Variants in LRATD2 observed in about 807,000 individuals in gnomAD.
LRATD2 encodes the protein protein LRATD2.
A neutral mutation model predicts 12.0 loss-of-function variants in LRATD2; 10 were observed. That is an observed-to-expected ratio of 0.83 (90% confidence interval 0.51 to 1.41). LRATD2 has a LOEUF of 1.41. Among genes scored for constraint, LRATD2 ranks in the 40% most tolerant of loss-of-function variants. The pLI is 0.00. For synonymous variants in LRATD2, 220 were observed against 205.8 expected, an observed-to-expected ratio of 1.07 and a Z score of -0.59; for missense variants, 455 against 446.1, an observed-to-expected ratio of 1.02 and a Z score of -0.18.
rs976320864 is a variant in LRATD2, at chr8:126,552,530, G to A, written c.*3927C>T. 1 of 152,626 alleles carries A rather than the reference G, an allele frequency of 6.6e-6. No individual in the cohort carries two copies. Among genetic ancestry groups the A allele is most frequent in the South Asian group, 2.1e-4 (1 of 4,828 alleles). 9.5% of individuals were successfully genotyped at this position (152,626 alleles called of 1,614,324 possible). ...TTTTATTTTAATAAGACATAGTGAA[G>A]AGGAAATGGCTTAAAAGATATCATC... On this transcript the variant is annotated 3_prime_UTR_variant, in exon 2 of 2. Coordinates refer to ENST00000304916, the MANE Select transcript of LRATD2 (RefSeq NM_174911.5).
chr8:126,557,608 T>C lies in LRATD2; in HGVS notation c.-96-123A>G. On this transcript the variant is annotated intron_variant, in intron 1 of 1. Transcript: ENST00000304916. This position sits in a 1 kb window ranked among gnomAD's most constrained non-coding sequence, Gnocchi z 5.3. ...CCATTTTAGGGGGAAGTCTCGGGTG[T>C]AGCGAGCTTTCCCTCGTTTCTCCAC... 1 of 577,856 alleles carries C rather than the reference T, an allele frequency of 1.7e-6. No homozygotes were observed. Among genetic ancestry groups the C allele is most frequent in the Non-Finnish European group, 3.0e-6 (1 of 330,882 alleles). The allele number at this position is 577,856 out of a possible 1,614,324, so 35.8% of individuals were successfully genotyped here. A position where few individuals can be genotyped will look rare whatever the true frequency, so the allele number is the denominator to read the frequency against.
At position 126,554,920 on chromosome 8, in the gene LRATD2, G is replaced by A. The variant is rs1005704049; in HGVS notation, c.*1537C>T. On this transcript the variant is annotated 3_prime_UTR_variant, in exon 2 of 2. Coordinates refer to ENST00000304916, the MANE Select transcript of LRATD2 (RefSeq NM_174911.5). The stretch of plus-strand genomic sequence containing the variant: ...CAATAGGCAGCAGAGAAGCTATGCT[G>A]CAACTGAGGGCACATATCATTGAAG... 1 of 151,998 alleles carries A rather than the reference G, an allele frequency of 6.6e-6. No individual in the cohort carries two copies. Among genetic ancestry groups the A allele is most frequent in the Non-Finnish European group, 1.5e-5 (1 of 68,020 alleles). The allele number at this position is 151,998 out of a possible 1,614,324, so 9.4% of individuals were successfully genotyped here. A position where few individuals can be genotyped will look rare whatever the true frequency, so the allele number is the denominator to read the frequency against.
rs576388393 is a variant in LRATD2 at position 126,557,210 on chromosome 8, G to C, written c.180C>G (p.Pro60=). The change falls in exon 2 of 2, where the codon CCC becomes CCG. Residue 60 remains proline (P), a synonymous_variant. Transcript: ENST00000304916. This position sits in a 1 kb window ranked among gnomAD's most constrained non-coding sequence, Gnocchi z 5.3. ...PPQGPDGGGL[P]DGGDGPPPPQ... ...GCGGCGGCGGCCCGTCCCCACCGTCGGGCAAGCCGCCGCCATCTGGCCCCT... is the reference window on the plus strand; with the variant it reads ...GCGGCGGCGGCCCGTCCCCACCGTCCGGCAAGCCGCCGCCATCTGGCCCCT... 5 of 1,599,256 alleles carry C rather than the reference G, an allele frequency of 3.1e-6. No individual in the cohort carries two copies. Among genetic ancestry groups the C allele is most frequent in the Non-Finnish European group, 2.6e-6 (3 of 1,173,766 alleles).
rs1027458536 is a variant in LRATD2, at chr8:126,552,611, A to G, written c.*3846T>C. 7 of 152,806 alleles carry G rather than the reference A, an allele frequency of 4.6e-5. No individual in the cohort carries two copies. In the East Asian group the frequency reaches 1.3e-3, roughly 29 times the overall value. The allele number at this position is 152,806 out of a possible 1,614,324, so 9.5% of individuals were successfully genotyped here. A position where few individuals can be genotyped will look rare whatever the true frequency, so the allele number is the denominator to read the frequency against. ...ATTTTGAAGGAAATGATACAATTTC[A>G]AATCGGAACTTCCTTCTCAAGAAGT... On this transcript the variant is annotated 3_prime_UTR_variant, in exon 2 of 2. Coordinates refer to ENST00000304916, the MANE Select transcript of LRATD2 (RefSeq NM_174911.5).
rs1817300320 is a variant in LRATD2 at position 126,552,477 on chromosome 8, T to C, written c.*3980A>G. 6.6e-6 allele frequency: 1 copy of C among 152,656 alleles called. No individual in the cohort carries two copies. Among genetic ancestry groups the C allele is most frequent in the African/African-American group, 2.4e-5 (1 of 41,462 alleles). 9.5% of individuals were successfully genotyped at this position (152,656 alleles called of 1,614,324 possible). On this transcript the variant is annotated 3_prime_UTR_variant, in exon 2 of 2. Transcript: ENST00000304916. Reference sequence around the variant, plus strand: ...ATAGATGGTTTATTGGAAACGCTCATAGCATCTTTTGAAAAGAACTTGACA... The same window carrying C: ...ATAGATGGTTTATTGGAAACGCTCACAGCATCTTTTGAAAAGAACTTGACA...
chr8:126,557,674 C>G lies in LRATD2; in HGVS notation c.-96-189G>C. 2.1e-6 allele frequency: 1 copy of G among 475,472 alleles called. No homozygotes were observed. Among genetic ancestry groups the G allele is most frequent in the Non-Finnish European group, 3.7e-6 (1 of 269,524 alleles). 29.5% of individuals were successfully genotyped at this position (475,472 alleles called of 1,614,324 possible). ...CACAGGAGACTGGGCAACTCCTGTTCTCCCTGTCCCCAGCCCTTCGCCTGG... is the reference window on the plus strand; with the variant it reads ...CACAGGAGACTGGGCAACTCCTGTTGTCCCTGTCCCCAGCCCTTCGCCTGG... On this transcript the variant is annotated intron_variant, in intron 1 of 1. Coordinates refer to ENST00000304916, the MANE Select transcript of LRATD2 (RefSeq NM_174911.5). The surrounding 1 kb of genome is among the most constrained non-coding windows in gnomAD (Gnocchi z 5.3).
Position 126,554,365 on chromosome 8 carries a change from A to G in LRATD2, c.*2092T>C, listed in dbSNP as rs988537920. 6 of 152,278 alleles carry G rather than the reference A, an allele frequency of 3.9e-5. No individual in the cohort carries two copies. The highest frequency in any genetic ancestry group is 7.3e-5 in the Non-Finnish European group (5 of 68,062). The allele number at this position is 152,278 out of a possible 1,614,324, so 9.4% of individuals were successfully genotyped here. ...AAGAAAATCCAACTGGGTTAGATAC[A>G]GCAGGTTCTCCTAAATGTCTTAACC... On this transcript the variant is annotated 3_prime_UTR_variant, in exon 2 of 2. Coordinates refer to ENST00000304916, the MANE Select transcript of LRATD2 (RefSeq NM_174911.5).
In LRATD2 at chr8:126,556,201, G is replaced by T. The variant is rs1214767830; in HGVS notation, c.*256C>A. ...CAAGTCCACAGTTTGCTCCACCGCG[G>T]AGAGGAAGACAGACAGGGGGCCAGA... On this transcript the variant is annotated 3_prime_UTR_variant, in exon 2 of 2. Transcript: ENST00000304916. This position sits in a 1 kb window ranked among gnomAD's most constrained non-coding sequence, Gnocchi z 5.6. 19 of 495,404 alleles carry T rather than the reference G, an allele frequency of 3.8e-5. No homozygotes were observed. The highest frequency in any genetic ancestry group is 6.3e-5 in the Non-Finnish European group (18 of 286,160). The allele number at this position is 495,404 out of a possible 1,614,324, so 30.7% of individuals were successfully genotyped here.
rs966433897 is a variant in LRATD2, at chr8:126,557,642, T to C, written c.-96-157A>G. On this transcript the variant is annotated intron_variant, in intron 1 of 1. Transcript: ENST00000304916. This position sits in a 1 kb window ranked among gnomAD's most constrained non-coding sequence, Gnocchi z 5.3. ...TTCCCTCGTTTCTCCACCTGTAAGGTCACGGTCACAGGAGACTGGGCAACT... is the reference window on the plus strand; with the variant it reads ...TTCCCTCGTTTCTCCACCTGTAAGGCCACGGTCACAGGAGACTGGGCAACT... 3 of 543,944 alleles carry C rather than the reference T, an allele frequency of 5.5e-6. No homozygotes were observed. The African/African-American group carries it at 5.8e-5, about 11-fold the overall frequency. The allele number at this position is 543,944 out of a possible 1,614,324, so 33.7% of individuals were successfully genotyped here.
At position 126,557,518 on chromosome 8, in the gene LRATD2, G is replaced by A; in HGVS notation, c.-96-33C>T. The stretch of plus-strand genomic sequence containing the variant: ...GAGAGGAAGGCAAGAAAGCCATGCA[G>A]GAGCCCCTCCGTGAAAAGGGCGTTT... On this transcript the variant is annotated intron_variant, in intron 1 of 1. Transcript: ENST00000304916. This position sits in a 1 kb window ranked among gnomAD's most constrained non-coding sequence, Gnocchi z 5.3. 1 of 1,033,020 alleles carries A rather than the reference G, an allele frequency of 9.7e-7. No individual in the cohort carries two copies. Among genetic ancestry groups the A allele is most frequent in the Non-Finnish European group, 1.4e-6 (1 of 711,614 alleles). The allele number at this position is 1,033,020 out of a possible 1,614,324, so 64.0% of individuals were successfully genotyped here. A position where few individuals can be genotyped will look rare whatever the true frequency, so the allele number is the denominator to read the frequency against.
rs1314564957 is a variant in LRATD2 at position 126,555,959 on chromosome 8, C to G, written c.*498G>C. ...AATAAATCACCCCAGCCTCCTGGAT[C>G]CCATACACAGCTCAGCTCCGCCAAA... On this transcript the variant is annotated 3_prime_UTR_variant, in exon 2 of 2. Transcript: ENST00000304916. 6.3e-6 allele frequency: 1 copy of G among 158,572 alleles called. No individual in the cohort carries two copies. The highest frequency in any genetic ancestry group is 1.4e-5 in the Non-Finnish European group (1 of 72,400). 9.8% of individuals were successfully genotyped at this position (158,572 alleles called of 1,614,324 possible).
In LRATD2 at chr8:126,556,637, G is replaced by A; in HGVS notation, c.753C>T (p.Ile251=). 1.2e-6 allele frequency: 2 copies of A among 1,611,926 alleles called. No homozygotes were observed. Among genetic ancestry groups the A allele is most frequent in the Non-Finnish European group, 1.7e-6 (2 of 1,179,322 alleles). Residue 251 remains isoleucine, a synonymous_variant, in exon 2 of 2, where the codon ATC becomes ATT. Coordinates refer to ENST00000304916, the MANE Select transcript of LRATD2 (RefSeq NM_174911.5). This position sits in a 1 kb window ranked among gnomAD's most constrained non-coding sequence, Gnocchi z 5.6. Reference sequence around the variant, plus strand: ...TCTGGTCGTTGCGTCGCTTCTCCATGATCAGGTCCTCTAGACTCTGGAACT... The same window carrying A: ...TCTGGTCGTTGCGTCGCTTCTCCATAATCAGGTCCTCTAGACTCTGGAACT... ...TLEFQSLEDL[I]MEKRRNDQIG... is the part of the protein sequence containing the mutation.
rs1245002127 is a variant in LRATD2, at chr8:126,556,505, G to C, written c.885C>G (p.Pro295=). Residue 295 remains proline (P), a synonymous_variant, in exon 2 of 2, where the codon CCC becomes CCG. Transcript: ENST00000304916. The surrounding 1 kb of genome is among the most constrained non-coding windows in gnomAD (Gnocchi z 5.6). ...VARTTPPPGR[P]PAPSSEEEDG... is the part of the protein sequence containing the mutation. ...CCTCCTCCTCGGAGCTGGGCGCAGG[G>C]GGGCGCCCGGGAGGCGGCGTAGTCC... The C allele has an allele frequency of 2.5e-6, 4 of 1,592,732 alleles. No homozygotes were observed. Among genetic ancestry groups the C allele is most frequent in the Non-Finnish European group, 3.4e-6 (4 of 1,171,260 alleles).
At position 126,555,250 on chromosome 8, in the gene LRATD2, A is replaced by G. The variant is rs968333327; in HGVS notation, c.*1207T>C. 1 of 152,178 alleles carries G rather than the reference A, an allele frequency of 6.6e-6. No homozygotes were observed. The highest frequency in any genetic ancestry group is 1.5e-5 in the Non-Finnish European group (1 of 68,030). 9.4% of individuals were successfully genotyped at this position (152,178 alleles called of 1,614,324 possible). A position where few individuals can be genotyped will look rare whatever the true frequency, so the allele number is the denominator to read the frequency against. On this transcript the variant is annotated 3_prime_UTR_variant, in exon 2 of 2. Coordinates refer to ENST00000304916, the MANE Select transcript of LRATD2 (RefSeq NM_174911.5). ...CAATTGCATCAAGTGTGGATAGCAA[A>G]ATAAGTATCTTACCATTGAAATATG... is the stretch of plus-strand genomic sequence containing the variant.
In LRATD2 at chr8:126,553,912, A is replaced by T. The variant is rs1392924417; in HGVS notation, c.*2545T>A. ...GCTATACTTCAGCGTGACTGACCATACATCATTTTCCATTCTGGGACAGAG... is the reference window on the plus strand; with the variant it reads ...GCTATACTTCAGCGTGACTGACCATTCATCATTTTCCATTCTGGGACAGAG... On this transcript the variant is annotated 3_prime_UTR_variant, in exon 2 of 2. Transcript: ENST00000304916. 6.6e-6 allele frequency: 1 copy of T among 152,194 alleles called. No individual in the cohort carries two copies. The highest frequency in any genetic ancestry group is 2.4e-5 in the African/African-American group (1 of 41,422). 9.4% of individuals were successfully genotyped at this position (152,194 alleles called of 1,614,324 possible).
At position 126,556,529 on chromosome 8, in the gene LRATD2, C is replaced by T. The variant is rs1162486142; in HGVS notation, c.861G>A (p.Arg287=). 2 of 1,600,244 alleles carry T rather than the reference C, an allele frequency of 1.2e-6. No homozygotes were observed. Among genetic ancestry groups the T allele is most frequent in the Non-Finnish European group, 8.5e-7 (1 of 1,174,632 alleles). ...GGGGGCGCCCGGGAGGCGGCGTAGT[C>T]CGCGCCACGTTGCTGTCGCCCTCCT... is the stretch of plus-strand genomic sequence containing the variant. ...EPEEGDSNVA[R]TTPPPGRPPA... is the part of the protein sequence containing the mutation. The change falls in exon 2 of 2, where the codon CGG becomes CGA. Residue 287 remains arginine (R), a synonymous_variant. Coordinates refer to ENST00000304916, the MANE Select transcript of LRATD2 (RefSeq NM_174911.5). The surrounding 1 kb of genome is among the most constrained non-coding windows in gnomAD (Gnocchi z 5.6).
chr8:126,557,527 C>T lies in LRATD2; in HGVS notation c.-96-42G>A. 1.1e-6 allele frequency: 1 copy of T among 938,294 alleles called. No homozygotes were observed. The highest frequency in any genetic ancestry group is 1.6e-6 in the Non-Finnish European group (1 of 629,974). The allele number at this position is 938,294 out of a possible 1,614,324, so 58.1% of individuals were successfully genotyped here. On this transcript the variant is annotated intron_variant, in intron 1 of 1. Coordinates refer to ENST00000304916, the MANE Select transcript of LRATD2 (RefSeq NM_174911.5). This position sits in a 1 kb window ranked among gnomAD's most constrained non-coding sequence, Gnocchi z 5.3. ...GCAAGAAAGCCATGCAGGAGCCCCT[C>T]CGTGAAAAGGGCGTTTTGTTCCGAA...
rs576047324 is a variant in LRATD2, at chr8:126,555,266, T to C, written c.*1191A>G. On this transcript the variant is annotated 3_prime_UTR_variant, in exon 2 of 2. Coordinates refer to ENST00000304916, the MANE Select transcript of LRATD2 (RefSeq NM_174911.5). ...GGATAGCAAAATAAGTATCTTACCA[T>C]TGAAATATGTGTTCAGCCTAAGATT... 3.9e-4 allele frequency: 60 copies of C among 152,216 alleles called. No individual in the cohort carries two copies. The highest frequency in any genetic ancestry group is 1.3e-3 in the African/African-American group (56 of 41,522). The allele number at this position is 152,216 out of a possible 1,614,324, so 9.4% of individuals were successfully genotyped here.
Position 126,556,709 on chromosome 8 carries a change from G to A in LRATD2, c.681C>T (p.Pro227=), listed in dbSNP as rs760094534. ...IGGELRIGKQ[P]YRLQIQLSAQ... is the part of the protein sequence containing the mutation. ...CCGACAGCTGAATCTGCAGCCGGTA[G>A]GGCTGCTTGCCGATGCGCAGCTCGC... The change falls in exon 2 of 2, where the codon CCC becomes CCT. Residue 227 remains proline, a synonymous_variant. Transcript: ENST00000304916. The surrounding 1 kb of genome is among the most constrained non-coding windows in gnomAD (Gnocchi z 5.6). 1.9e-6 allele frequency: 3 copies of A among 1,608,314 alleles called. No individual in the cohort carries two copies. Among genetic ancestry groups the A allele is most frequent in the South Asian group, 2.2e-5 (2 of 90,528 alleles).
Sources: allele counts gnomAD v4.1 joint callset, GRCh38; gene constraint gnomAD v4.1.1; non-coding constraint Gnocchi (gnomAD v3.1); transcripts MANE v1.5; gene names NCBI Gene and HGNC (gene_info 2026-07-23, HGNC 2026-07-21).